The following ITGA3 variants were observed in gnomAD, a reference collection of about 807,000 sequenced individuals.
ITGA3 encodes integrin alpha-3.
In ITGA3, 70 loss-of-function variants were observed where a neutral mutation model predicts 131.1. That is an observed-to-expected ratio of 0.53 (90% CI 0.44 to 0.65). The LOEUF (loss-of-function observed/expected upper bound fraction) is 0.65, where lower values mean the gene tolerates loss of function less well. ITGA3 is among the 30% of genes least tolerant of loss of function. ITGA3 has a pLI of 0.00. For missense variants in ITGA3, 1,098 were observed against 1,388.6 expected, an observed-to-expected ratio of 0.79 and a Z score of 3.33; for synonymous variants, 537 against 571.6, an observed-to-expected ratio of 0.94 and a Z score of 0.86.
chr17:50,068,268 T>C lies in ITGA3; in HGVS notation c.627T>C (p.Thr209=), dbSNP rs779384232. 2.5e-6 allele frequency: 4 copies of C among 1,613,622 alleles called. No individual in the cohort carries two copies. The highest frequency in any genetic ancestry group is 4.5e-5 in the East Asian group (2 of 44,894). The change falls in exon 4 of 26, where the codon ACT becomes ACC. Residue 209 remains threonine (T), a synonymous_variant. Transcript: ENST00000320031. ...CCAGCGGTGGCTTCACCCAGAACAC[T>C]GTGTACTTCGGCGCCCCCGGTGCCT... ...LGTSGGFTQN[T]VYFGAPGAYN...
In ITGA3 at chr17:50,075,626, G is replaced by T. The variant is rs546962561; in HGVS notation, c.1565G>T (p.Arg522Met). The T allele has an allele frequency of 6.2e-7, 1 of 1,614,224 alleles. No homozygotes were observed. The highest frequency in any genetic ancestry group is 1.7e-5 in the Admixed American group (1 of 60,034). The part of the protein sequence containing the change: ...ITLAYTLEAD[R>M]DRRPPRLRFA... ...CTGGCCTACACTCTGGAGGCTGACA[G>T]GGACCGCCGGCCGCCCCGGCTCCGC... Residue 522 changes from arginine (R) to methionine (M), a missense_variant, in exon 12 of 26, where the codon AGG becomes ATG. Coordinates refer to ENST00000320031, the MANE Select transcript of ITGA3 (RefSeq NM_002204.4).
rs1394564187 is a variant in ITGA3 at position 50,064,361 on chromosome 17, G to A, written c.334+157G>A. ...GGGTGCCCTAGAGGAGAGTGGGGCT[G>A]GATGGGATTGGTAGAGCTCAGAATA... is the stretch of plus-strand genomic sequence containing the variant. On this transcript the variant is annotated intron_variant, in intron 2 of 25. Transcript: ENST00000320031. The surrounding 1 kb of genome is among the most constrained non-coding windows in gnomAD (Gnocchi z 4.4). The A allele has an allele frequency of 1.8e-6, 2 of 1,139,712 alleles. No homozygotes were observed. The highest frequency in any genetic ancestry group is 2.5e-6 in the Non-Finnish European group (2 of 802,290). The allele number at this position is 1,139,712 out of a possible 1,614,324, so 70.6% of individuals were successfully genotyped here. A position where few individuals can be genotyped will look rare whatever the true frequency, so the allele number is the denominator to read the frequency against.
At position 50,089,396 on chromosome 17, in the gene ITGA3, C is replaced by G; in HGVS notation, c.*318C>G. On this transcript the variant is annotated 3_prime_UTR_variant, in exon 26 of 26. Transcript: ENST00000320031. ...GCAGCAGGCTCAGGCACATACACCT[C>G]GTCAAGAGCATGCACATGCTGTCTG... 2.8e-6 allele frequency: 2 copies of G among 708,380 alleles called. No homozygotes were observed. Among genetic ancestry groups the G allele is most frequent in the Non-Finnish European group, 4.7e-6 (2 of 422,716 alleles). The allele number at this position is 708,380 out of a possible 1,614,324, so 43.9% of individuals were successfully genotyped here. A position where few individuals can be genotyped will look rare whatever the true frequency, so the allele number is the denominator to read the frequency against.
At chr17:50,077,913 C>G in intron 16 of ITGA3, 133 bp from the exon 17 acceptor site, 1 of 693,240 alleles carries the variant, frequency 1.4e-6, no homozygotes, top group Non-Finnish European at 2.5e-6. Flanking sequence ...AGGTAGAGAC[C>G]CCTCACCCAG....
Position 50,064,062 on chromosome 17 carries a change from C to T in ITGA3, c.207-15C>T, listed in dbSNP as rs766672111. 29 of 1,611,968 alleles carry T rather than the reference C, an allele frequency of 1.8e-5. No individual in the cohort carries two copies. The East Asian group carries it at 3.8e-4, about 21-fold the overall frequency. ...GGGAGTCTGAACCCGGACCCACCTC[C>T]GTCCCTATCCCCAGGCTCCTGGCTG... On this transcript the variant is annotated splice_polypyrimidine_tract_variant and intron_variant, in intron 1 of 25. Coordinates refer to ENST00000320031, the MANE Select transcript of ITGA3 (RefSeq NM_002204.4). This position sits in a 1 kb window ranked among gnomAD's most constrained non-coding sequence, Gnocchi z 4.4.
chr17:50,076,853 G>C (rs774652864), intron 14 of ITGA3, 121 bp from the exon 15 acceptor site: 143 of 1,245,282 alleles, frequency 1.1e-4, no homozygotes, highest in Non-Finnish European at 1.1e-4. Context: ...ACTAGAGGAC[G>C]GGGCCTGGCT....
intron 1 of ITGA3, among the ~76,000 whole-genome samples, chr17:50,062,353 C>G (rs1908128497): frequency 6.6e-6 from 1 of 152,200 alleles, no homozygotes; most frequent in Non-Finnish European, 1.5e-5. Context: ...TGAGATGCTC[C>G]TTTCCCGCAG....
chr17:50,074,436 T>C lies in ITGA3; in HGVS notation c.1383-12T>C. On this transcript the variant is annotated splice_polypyrimidine_tract_variant and intron_variant, in intron 9 of 25. Coordinates refer to ENST00000320031, the MANE Select transcript of ITGA3 (RefSeq NM_002204.4). The stretch of plus-strand genomic sequence containing the variant: ...AGGCACTGATATCTGTCTGGCTCTG[T>C]TGTCTCTGCAGGGCCCGGCCCGTCA... The C allele has an allele frequency of 6.2e-7, 1 of 1,613,586 alleles. No homozygotes were observed. The highest frequency in any genetic ancestry group is 1.1e-5 in the South Asian group (1 of 91,048).
At chr17:50,085,823 T>C (rs1909367855) in intron 23 of ITGA3, among the ~76,000 whole-genome samples, 1 of 77,728 alleles carries the variant, frequency 1.3e-5, no homozygotes, top group African/African-American at 3.8e-5. Flanking sequence ...ATTTATAATG[T>C]ATATTAGATT....
chr17:50,076,316 C>G lies in ITGA3; in HGVS notation c.1675-10C>G. On this transcript the variant is annotated splice_polypyrimidine_tract_variant and intron_variant, in intron 12 of 25. Coordinates refer to ENST00000320031, the MANE Select transcript of ITGA3 (RefSeq NM_002204.4). ...TGCAGGGCCGGGCTCAGCTCACCCT[C>G]TCTCCCCAGGACAACCTCCGTGACA... 6.2e-7 allele frequency: 1 copy of G among 1,612,226 alleles called. No individual in the cohort carries two copies. The highest frequency in any genetic ancestry group is 1.1e-5 in the South Asian group (1 of 90,876).
rs762643664 is a variant in ITGA3 at position 50,077,379 on chromosome 17, C to T, written c.2071C>T (p.Pro691Ser). 6 of 1,613,714 alleles carry T rather than the reference C, an allele frequency of 3.7e-6. No individual in the cohort carries two copies. The South Asian group carries it at 6.6e-5, about 18-fold the overall frequency. Residue 691 changes from proline to serine, a missense_variant and splice_region_variant, in exon 16 of 26, where the codon CCC (proline) becomes TCC (serine). Pro to Ser is a moderately conservative substitution (Grantham distance 74). Coordinates refer to ENST00000320031, the MANE Select transcript of ITGA3 (RefSeq NM_002204.4). Reference sequence around the variant, plus strand: ...GACCTTATTCGCCTTCTTTCCTCAGCCCGGGGCCTGCCAAGCTAATGAGAC... The same window carrying T: ...GACCTTATTCGCCTTCTTTCCTCAGTCCGGGGCCTGCCAAGCTAATGAGAC... Reference protein sequence around the residue: ...PALLLSSVRPPGACQANETIF... With the variant: ...PALLLSSVRPSGACQANETIF...
At position 50,078,072 on chromosome 17, in the gene ITGA3, C is replaced by T; in HGVS notation, c.2166C>T (p.Val722=). 1 of 1,613,486 alleles carries T rather than the reference C, an allele frequency of 6.2e-7. No individual in the cohort carries two copies. The highest frequency in any genetic ancestry group is 1.1e-5 in the South Asian group (1 of 91,056). The change falls in exon 17 of 26, where the codon GTC becomes GTT. Residue 722 remains valine (V), a synonymous_variant. Transcript: ENST00000320031. The part of the protein sequence containing the change: ...QRMELLIAFE[V]IGVTLHTRDL... The stretch of plus-strand genomic sequence containing the variant: ...TGGAGCTGCTCATCGCCTTTGAGGT[C>T]ATCGGGGTGACCCTGCACACAAGGG...
At chr17:50,067,974 C>A in intron 3 of ITGA3, 82 bp from the exon 4 acceptor site, 1 of 1,565,120 alleles carries the variant, frequency 6.4e-7, no homozygotes, top group Non-Finnish European at 8.7e-7. Flanking sequence ...TTTGGCAAAG[C>A]CAGAGGCTTA....
chr17:50,071,391 A>T lies in ITGA3; in HGVS notation c.832A>T (p.Met278Leu). 1.2e-6 allele frequency: 2 copies of T among 1,614,150 alleles called. No individual in the cohort carries two copies. The highest frequency in any genetic ancestry group is 1.7e-6 in the Non-Finnish European group (2 of 1,180,032). ...GACAGGTGCCCCACGGCACCGACAT[A>T]TGGGCGCGGTGTTCTTGCTGAGCCA... The part of the protein sequence containing the change: ...IVTGAPRHRH[M>L]GAVFLLSQEA... Residue 278 changes from methionine to leucine, a missense_variant, in exon 6 of 26, where the codon ATG becomes TTG. By Grantham distance (15) the Met-to-Leu change is conservative. Transcript: ENST00000320031.
At chr17:50,062,600 C>G (rs879637357) in intron 1 of ITGA3, among the ~76,000 whole-genome samples, 2 of 152,348 alleles carry the variant, frequency 1.3e-5, no homozygotes, top group Non-Finnish European at 2.9e-5. Flanking sequence ...GGTCCCACCC[C>G]CTTCCCAGCA....
At chr17:50,062,032 C>G (rs1276286061) in intron 1 of ITGA3, among the ~76,000 whole-genome samples, 1 of 130,318 alleles carries the variant, frequency 7.7e-6, no homozygotes, top group African/African-American at 2.7e-5. Context: ...AGAGCAAGAC[C>G]CTGTCTCAAA....
At chr17:50,062,621 G>A (rs1434112410) in intron 1 of ITGA3, among the ~76,000 whole-genome samples, 1 of 152,224 alleles carries the variant, frequency 6.6e-6, no homozygotes, top group Non-Finnish European at 1.5e-5. Context: ...CCCGCAGGCA[G>A]TACATTCCTG....
At chr17:50,085,966 TACATATTATA>T (rs1188015041) in intron 23 of ITGA3, among the ~76,000 whole-genome samples, 4 of 125,016 alleles carry the variant, frequency 3.2e-5, no homozygotes, top group African/African-American at 6.2e-5. Context: ...TATTAGATTA[TACATATTATA>T]GATTTATAAT....
At chr17:50,063,052 G>A (rs1292738994) in intron 1 of ITGA3, among the ~76,000 whole-genome samples, 1 of 148,320 alleles carries the variant, frequency 6.7e-6, no homozygotes, top group Non-Finnish European at 1.5e-5. Flanking sequence ...GATCCCCGGG[G>A]TTTCTGATGG....
Sources: gnomAD v4.1 joint callset for allele counts (sites outside exome capture counted in the v4.1 genomes callset) on GRCh38, gnomAD v4.1.1 for gene constraint, Gnocchi (gnomAD v3.1) non-coding constraint, MANE v1.5 for transcripts, NCBI Gene and HGNC (gene_info 2026-07-23, HGNC 2026-07-21) for gene names.